PRKD3: variants seen among roughly 807,000 people sequenced by gnomAD.
PRKD3 encodes the protein protein kinase D3.
Under a neutral mutation model 99.2 loss-of-function variants are expected in PRKD3, and 47 were observed. That is an observed-to-expected ratio of 0.47 (90% CI 0.38 to 0.60). PRKD3 has a LOEUF of 0.60. Among genes scored for constraint, PRKD3 ranks in the 20% least tolerant of loss-of-function variants. PRKD3 has a pLI of 0.00. For synonymous variants in PRKD3, 392 were observed against 355.4 expected, an observed-to-expected ratio of 1.10 and a Z score of -1.16; for missense variants, 1,019 against 1,088.4, an observed-to-expected ratio of 0.94 and a Z score of 0.90.
intron 6 of PRKD3, 81 bp from the exon 7 acceptor site, chr2:37,282,700 C>T (rs1669907654): frequency 2.1e-6 from 2 of 962,024 alleles, no homozygotes; most frequent in South Asian, 2.7e-5. Context: ...TTAAATCACT[C>T]ACAAACAGAA....
chr2:37,261,782 A>AAAACAAAACAAAC (rs202165003), intron 14 of PRKD3, among the ~76,000 whole-genome samples: 13,052 of 152,222 alleles, frequency 0.086, 613 homozygotes, highest in African/African-American at 0.11. Flanking sequence ...CTCTATCTCA[A>AAAACAAAACAAAC]AAACAAAAAA....
chr2:37,321,163 T>C (rs987343329), intron 1 of PRKD3, among the ~76,000 whole-genome samples: 8 of 152,250 alleles, frequency 5.3e-5, no homozygotes, highest in Non-Finnish European at 8.8e-5. Flanking sequence ...ATACCAATTA[T>C]ATATGCTTGT....
At chr2:37,296,076 C>G (rs111360656) in intron 2 of PRKD3, among the ~76,000 whole-genome samples, 2 of 138,792 alleles carry the variant, frequency 1.4e-5, no homozygotes, top group African/African-American at 5.4e-5. Context: ...GGAACTTTCT[C>G]TCCAGAAACT....
rs1460737453 is a variant in PRKD3 at position 37,269,607 on chromosome 2, T to A, written c.1777+8A>T. 2 of 1,603,810 alleles carry A rather than the reference T, an allele frequency of 1.2e-6. No individual in the cohort carries two copies. On this transcript the variant is annotated splice_region_variant and intron_variant, in intron 13 of 18. Transcript: ENST00000234179. ...GTGTACAATATGCAAACGGCTGTAG[T>A]TGCTTACCTCCATAAACGATGCCAA...
chr2:37,276,859 T>G (rs1669598477), intron 9 of PRKD3, among the ~76,000 whole-genome samples: 1 of 151,080 alleles, frequency 6.6e-6, no homozygotes, highest in Admixed American at 6.6e-5. Context: ...TAACTTTATT[T>G]TTTTCAAAAT....
intron 8 of PRKD3, chr2:37,279,530 AAAAC>A (rs1173886674): frequency 7.3e-5 from 25 of 343,940 alleles, no homozygotes; most frequent in Non-Finnish European, 9.2e-5. Context: ...CGAAAAAAAA[AAAAC>A]AAGGATTCTC....
Position 37,275,766 on chromosome 2 carries a change from CCTTATAATA to C in PRKD3, c.1366_1374del (p.Tyr456_Lys458del). 1 of 1,602,972 alleles carries C rather than the reference CCTTATAATA, an allele frequency of 6.2e-7. No homozygotes were observed. The highest frequency in any genetic ancestry group is 8.5e-7 in the Non-Finnish European group (1 of 1,175,878). ...TATTTTTTAAAGTGTAAAATCCTTACCTTATAATACTTTGATCCAGATTCATTCTGAAAT... is the reference window on the plus strand; with the variant it reads ...TATTTTTTAAAGTGTAAAATCCTTACCTTTGATCCAGATTCATTCTGAAAT... On this transcript the variant is annotated inframe_deletion and splice_region_variant, in exon 10 of 19. Transcript: ENST00000234179.
chr2:37,260,480 GAA>G, intron 14 of PRKD3, 96 bp from the exon 15 acceptor site: 2 of 1,131,864 alleles, frequency 1.8e-6, no homozygotes, highest in Admixed American at 4.6e-5. Flanking sequence ...GGCACAGAAA[GAA>G]AGCCTAGAGA....
intron 14 of PRKD3, 94 bp from the exon 15 acceptor site, chr2:37,260,478 A>C: frequency 8.7e-7 from 1 of 1,145,970 alleles, no homozygotes; most frequent in Non-Finnish European, 1.3e-6. Context: ...ATGGCACAGA[A>C]AGAAAGCCTA....
At chr2:37,280,172 G>A (rs906908772) in intron 7 of PRKD3, among the ~76,000 whole-genome samples, 2 of 151,326 alleles carry the variant, frequency 1.3e-5, no homozygotes, top group East Asian at 1.9e-4. Flanking sequence ...AGCCTCCTCA[G>A]TAGCTGGGAT....
chr2:37,260,535 G>C (rs1668348649), intron 14 of PRKD3, 151 bp from the exon 15 acceptor site: 1 of 762,592 alleles, frequency 1.3e-6, no homozygotes, highest in South Asian at 1.7e-5. Flanking sequence ...TCAATGAAAA[G>C]GATCTTAGGT....
At chr2:37,304,309 G>A (rs1671064874) in intron 2 of PRKD3, among the ~76,000 whole-genome samples, 1 of 151,924 alleles carries the variant, frequency 6.6e-6, no homozygotes, top group Non-Finnish European at 1.5e-5. Flanking sequence ...ATATTTAATT[G>A]GAGAGAAGCA....
intron 4 of PRKD3, among the ~76,000 whole-genome samples, chr2:37,290,353 C>T (rs1368176456): frequency 6.6e-6 from 1 of 152,156 alleles, no homozygotes; most frequent in Non-Finnish European, 1.5e-5. Context: ...CTGCCCCAGC[C>T]TCCCGAGTAG....
At chr2:37,275,730 C>G (rs745718267) in intron 10 of PRKD3, 37 bp downstream of exon 10, 2 of 1,560,248 alleles carry the variant, frequency 1.3e-6, no homozygotes, top group Non-Finnish European at 1.7e-6. Flanking sequence ...CATACACTAT[C>G]TTAATGCTTA....
intron 5 of PRKD3, 134 bp from the exon 6 acceptor site, chr2:37,286,503 T>C: frequency 1.5e-6 from 1 of 678,948 alleles, no homozygotes; most frequent in South Asian, 2.4e-5. Context: ...CTCAGCAGTT[T>C]CCTTTGCAAT....
chr2:37,257,863 T>C (rs1020069100), intron 16 of PRKD3, among the ~76,000 whole-genome samples: 2 of 152,100 alleles, frequency 1.3e-5, no homozygotes, highest in Non-Finnish European at 2.9e-5. Context: ...CAGCAACACT[T>C]TTCTATCACT....
Position 37,286,237 on chromosome 2 carries a change from T to C in PRKD3, c.850A>G (p.Ile284Val). 1.2e-6 allele frequency: 2 copies of C among 1,614,144 alleles called. No homozygotes were observed. The highest frequency in any genetic ancestry group is 1.7e-6 in the Non-Finnish European group (2 of 1,179,994). The change falls in exon 6 of 19, where the codon ATA (isoleucine) becomes GTA (valine). Residue 284 changes from isoleucine (I) to valine (V), a missense_variant. Coordinates refer to ENST00000234179, the MANE Select transcript of PRKD3 (RefSeq NM_005813.6). Reference sequence around the variant, plus strand: ...AGTAACCGCTTGCAGTACTGACATATCGTGGGACGGGTGTAAGAGTGAACA... The same window carrying C: ...AGTAACCGCTTGCAGTACTGACATACCGTGGGACGGGTGTAAGAGTGAACA... ...FAVHSYTRPT[I>V]CQYCKRLLKG...
At position 37,274,620 on chromosome 2, in the gene PRKD3, G is replaced by A. The variant is rs1357011980; in HGVS notation, c.1452C>T (p.His484=). 5 of 1,613,984 alleles carry A rather than the reference G, an allele frequency of 3.1e-6. No homozygotes were observed. In the South Asian group the frequency reaches 4.4e-5, roughly 14 times the overall value. ...TAGTATCAGTAATGATTTCAAAACAGTGTGGATTGCTGCCTTGTGAAATGT... is the reference window on the plus strand; with the variant it reads ...TAGTATCAGTAATGATTTCAAAACAATGTGGATTGCTGCCTTGTGAAATGT... ...FTNISQGSNP[H]CFEIITDTMV... The change falls in exon 11 of 19, where the codon CAC becomes CAT. Residue 484 remains histidine (H), a synonymous_variant. Coordinates refer to ENST00000234179, the MANE Select transcript of PRKD3 (RefSeq NM_005813.6).
chr2:37,286,173 C>G lies in PRKD3; in HGVS notation c.910+4G>C, dbSNP rs1472359231. On this transcript the variant is annotated splice_donor_region_variant and intron_variant, in intron 6 of 18. Coordinates refer to ENST00000234179, the MANE Select transcript of PRKD3 (RefSeq NM_005813.6). ...TTTTAATTAGGGAAAACACCTAATC[C>G]TACCTTTACACTGCATTCCTTGGCG... 9 of 1,595,802 alleles carry G rather than the reference C, an allele frequency of 5.6e-6. No individual in the cohort carries two copies. Among genetic ancestry groups the G allele is most frequent in the Admixed American group, 3.4e-5 (2 of 58,874 alleles).
Sources: gnomAD v4.1 joint callset for allele counts (sites outside exome capture counted in the v4.1 genomes callset) on GRCh38, gnomAD v4.1.1 for gene constraint, MANE v1.5 for transcripts, NCBI Gene and HGNC (gene_info 2026-07-23, HGNC 2026-07-21) for gene names.